Variants in PRMT3 observed in about 807,000 individuals in gnomAD.
The protein encoded by PRMT3 is protein arginine methyltransferase 3, also known as protein arginine N-methyltransferase 3.
PRMT3 carries 62 observed loss-of-function variants against 71.9 expected under a neutral mutation model. The observed-to-expected ratio is 0.86, with a 90% CI of 0.70 to 1.07. The LOEUF (loss-of-function observed/expected upper bound fraction) is 1.07, where lower values mean the gene tolerates loss of function less well. Ranked by LOEUF, PRMT3 falls within the 50% of genes least tolerant of loss-of-function variation. The pLI is 0.00. For missense variants in PRMT3, 663 were observed against 643.0 expected (o/e 1.03, Z -0.34); for synonymous variants, 213 against 220.4 (o/e 0.97, Z 0.30).
intron 9 of PRMT3, 127 bp downstream of exon 9, chr11:20,408,159 C>A: frequency 3.5e-6 from 2 of 575,378 alleles, no homozygotes; most frequent in Non-Finnish European, 5.3e-6. Flanking sequence ...AAATTCACTC[C>A]AGAATAATAA....
intron 13 of PRMT3, among the ~76,000 whole-genome samples, chr11:20,471,101 G>A (rs567388862): frequency 3.3e-5 from 5 of 151,504 alleles, no homozygotes; most frequent in Admixed American, 1.3e-4. Flanking sequence ...ATTAGTTCTC[G>A]GTAGATTTTG....
intron 3 of PRMT3, 28 bp downstream of exon 3, chr11:20,389,854 T>C: frequency 6.4e-7 from 1 of 1,568,434 alleles, no homozygotes; most frequent in Non-Finnish European, 8.8e-7. Flanking sequence ...TAAAGGCAAT[T>C]TAATTTGTGA....
chr11:20,502,869 G>A (rs921393420), intron 15 of PRMT3, among the ~76,000 whole-genome samples: 2 of 152,108 alleles, frequency 1.3e-5, no homozygotes, highest in African/African-American at 4.8e-5. Flanking sequence ...AAATGCACCA[G>A]ATTTTTTAGA....
chr11:20,424,414 T>C (rs1403490595), intron 9 of PRMT3, among the ~76,000 whole-genome samples: 1 of 152,156 alleles, frequency 6.6e-6, no homozygotes, highest in African/African-American at 2.4e-5. Context: ...GACAAAGATA[T>C]CAAAGTAATT....
intron 10 of PRMT3, among the ~76,000 whole-genome samples, chr11:20,441,299 ATT>A (rs1849893289): frequency 6.8e-6 from 1 of 147,776 alleles, no homozygotes; most frequent in African/African-American, 2.5e-5. Flanking sequence ...TTATTTATTT[ATT>A]TATTTATTTA....
intron 10 of PRMT3, among the ~76,000 whole-genome samples, chr11:20,438,177 C>T (rs1441032593): frequency 6.6e-6 from 1 of 152,056 alleles, no homozygotes; most frequent in Non-Finnish European, 1.5e-5. Context: ...CACCCTCCAG[C>T]AGCTCGGAAC....
chr11:20,476,470 A>G (rs1407207377), intron 13 of PRMT3, among the ~76,000 whole-genome samples: 1 of 152,216 alleles, frequency 6.6e-6, no homozygotes, highest in Non-Finnish European at 1.5e-5. Flanking sequence ...TTAGAGATAC[A>G]CCAAGCGTGG....
intron 12 of PRMT3, among the ~76,000 whole-genome samples, chr11:20,463,668 A>G (rs1435762030): frequency 6.6e-6 from 1 of 152,038 alleles, no homozygotes; most frequent in Non-Finnish European, 1.5e-5. Context: ...TGTTTTCTCA[A>G]ATTGTTTTCA....
chr11:20,395,901 G>T lies in PRMT3; in HGVS notation c.499G>T (p.Ala167Ser), dbSNP rs773497441. Reference sequence around the variant, plus strand: ...TGTTGAAAAATTGAAACATATGGAAGCCAGGGCACTGTCTGCTGAAGCCGC... The same window carrying T: ...TGTTGAAAAATTGAAACATATGGAATCCAGGGCACTGTCTGCTGAAGCCGC... ...SVVEKLKHMEARALSAEAALA... is the reference protein window; with the variant it reads ...SVVEKLKHMESRALSAEAALA... The change falls in exon 6 of 16, where the codon GCC (alanine) becomes TCC (serine). Residue 167 changes from alanine to serine, a missense_variant. Coordinates refer to ENST00000331079, the MANE Select transcript of PRMT3 (RefSeq NM_005788.4). 3 of 1,614,154 alleles carry T rather than the reference G, an allele frequency of 1.9e-6. No homozygotes were observed. The South Asian group carries it at 3.3e-5, about 18-fold the overall frequency.
intron 11 of PRMT3, among the ~76,000 whole-genome samples, chr11:20,457,399 ATC>A (rs1249357137): frequency 2.6e-5 from 4 of 152,172 alleles, no homozygotes; most frequent in Non-Finnish European, 5.9e-5. Flanking sequence ...CTTAAGTTGA[ATC>A]TCTGCTGTGT....
chr11:20,443,392 T>C (rs1299343815), intron 10 of PRMT3, among the ~76,000 whole-genome samples: 2 of 152,240 alleles, frequency 1.3e-5, no homozygotes, highest in African/African-American at 4.8e-5. Flanking sequence ...AGTTTCTTCT[T>C]AGAGTTCTCA....
At chr11:20,421,773 G>T (rs1849430283) in intron 9 of PRMT3, among the ~76,000 whole-genome samples, 1 of 151,686 alleles carries the variant, frequency 6.6e-6, no homozygotes, top group Non-Finnish European at 1.5e-5. Context: ...AAAACATCAT[G>T]TGGGCCCCGT....
intron 15 of PRMT3, among the ~76,000 whole-genome samples, chr11:20,505,164 G>T (rs1313343850): frequency 3.3e-5 from 5 of 152,118 alleles, no homozygotes; most frequent in African/African-American, 9.7e-5. Context: ...AGTTCTAGTA[G>T]CCTTCTTTGC....
chr11:20,389,725 C>G lies in PRMT3; in HGVS notation c.165-19C>G. The G allele has an allele frequency of 6.4e-7, 1 of 1,553,348 alleles. No homozygotes were observed. Among genetic ancestry groups the G allele is most frequent in the Non-Finnish European group, 8.9e-7 (1 of 1,127,412 alleles). ...CTTCTTAGGGGACTATTCCATGAAGCTATTGCTTGATTTTTCAGGTTATTC... is the reference window on the plus strand; with the variant it reads ...CTTCTTAGGGGACTATTCCATGAAGGTATTGCTTGATTTTTCAGGTTATTC... On this transcript the variant is annotated intron_variant, in intron 2 of 15. Coordinates refer to ENST00000331079, the MANE Select transcript of PRMT3 (RefSeq NM_005788.4).
chr11:20,466,067 A>G (rs970486654), intron 13 of PRMT3, among the ~76,000 whole-genome samples: 2 of 152,240 alleles, frequency 1.3e-5, no homozygotes, highest in Non-Finnish European at 2.9e-5. Flanking sequence ...ACTCTACTGA[A>G]GATGTCAAAA....
chr11:20,507,046 C>T (rs903405901), intron 15 of PRMT3, among the ~76,000 whole-genome samples: 1 of 152,144 alleles, frequency 6.6e-6, no homozygotes, highest in Non-Finnish European at 1.5e-5. Context: ...TCTACATTTT[C>T]CCAGCTATAA....
In PRMT3 at chr11:20,508,605, C is replaced by T; in HGVS notation, c.*192C>T. ...CTGAGGAAGAGAATCAGCTGATCCT[C>T]ATGGTCTGCCACGTAATCATTTTCT... On this transcript the variant is annotated 3_prime_UTR_variant, in exon 16 of 16. Coordinates refer to ENST00000331079, the MANE Select transcript of PRMT3 (RefSeq NM_005788.4). 1.5e-6 allele frequency: 1 copy of T among 684,578 alleles called. No individual in the cohort carries two copies. Among genetic ancestry groups the T allele is most frequent in the South Asian group, 1.5e-5 (1 of 66,562 alleles). 42.4% of individuals were successfully genotyped at this position (684,578 alleles called of 1,614,324 possible).
chr11:20,392,613 A>G (rs1848739078), intron 4 of PRMT3, among the ~76,000 whole-genome samples: 1 of 150,722 alleles, frequency 6.6e-6, no homozygotes, highest in South Asian at 2.1e-4. Context: ...GTTTTTTTTC[A>G]GATACTTTGT....
chr11:20,418,053 T>G (rs1180392899), intron 9 of PRMT3, among the ~76,000 whole-genome samples: 1 of 152,188 alleles, frequency 6.6e-6, no homozygotes, highest in African/African-American at 2.4e-5. Flanking sequence ...TATCATGAAG[T>G]GAAAGTTAAA....
Sources: gnomAD v4.1 joint callset for allele counts (sites outside exome capture counted in the v4.1 genomes callset) on GRCh38, gnomAD v4.1.1 for gene constraint, MANE v1.5 for transcripts, NCBI Gene and HGNC (gene_info 2026-07-23, HGNC 2026-07-21) for gene names.